POLA1: variants seen among roughly 807,000 people sequenced by gnomAD.
POLA1 encodes DNA polymerase alpha 1, catalytic subunit.
Under a neutral mutation model 124.0 loss-of-function variants are expected in POLA1, and 15 were observed. The observed-to-expected ratio is 0.12, with a 90% CI of 0.08 to 0.19. The LOEUF (loss-of-function observed/expected upper bound fraction) is 0.19. POLA1 is among the 10% of genes least tolerant of loss of function. The pLI is 1.00. For synonymous variants in POLA1, 408 were observed against 389.4 expected, an observed-to-expected ratio of 1.05 and a Z score of -0.56; for missense variants, 886 against 1,103.4, an observed-to-expected ratio of 0.80 and a Z score of 2.79.
chrX:24,946,544 A>T (rs954808733), intron 36 of POLA1, among the ~76,000 whole-genome samples: 28 of 111,196 alleles, frequency 2.5e-4, no homozygotes, highest in African/African-American at 9.2e-4. Context: ...GCAGGCCTTG[A>T]CTCCACTATG....
intron 32 of POLA1, among the ~76,000 whole-genome samples, chrX:24,833,326 A>G (rs763772605): frequency 9.0e-6 from 1 of 111,206 alleles, no homozygotes; most frequent in East Asian, 2.8e-4. Flanking sequence ...CTGGTTCCAT[A>G]TTTTTGCAGT....
At chrX:24,795,176 G>A (rs2045584048) in intron 26 of POLA1, among the ~76,000 whole-genome samples, 1 of 110,894 alleles carries the variant, frequency 9.0e-6, no homozygotes, top group African/African-American at 3.3e-5. Context: ...GGTTCTGAAA[G>A]TATTTTAAAA....
intron 26 of POLA1, among the ~76,000 whole-genome samples, chrX:24,783,752 T>G (rs2045309839): frequency 8.9e-6 from 1 of 112,090 alleles, no homozygotes; most frequent in Non-Finnish European, 1.9e-5. Context: ...ACATTACTTG[T>G]GCAGATATCA....
intron 12 of POLA1, 53 bp downstream of exon 12, chrX:24,724,504 A>G: frequency 1.7e-6 from 1 of 584,664 alleles, no homozygotes; most frequent in Admixed American, 3.2e-5. Context: ...TTATTTTCTG[A>G]TTTAGCAAAT....
intron 34 of POLA1, among the ~76,000 whole-genome samples, chrX:24,862,444 G>T (rs2046729880): frequency 8.9e-6 from 1 of 111,779 alleles, no homozygotes; most frequent in Non-Finnish European, 1.9e-5. Context: ...TGACTTTGCA[G>T]AATAAGGTTG....
intron 26 of POLA1, among the ~76,000 whole-genome samples, chrX:24,760,559 C>A (rs778945298): frequency 8.9e-6 from 1 of 111,982 alleles, no homozygotes; most frequent in Non-Finnish European, 1.9e-5. Context: ...TATGGTCAGA[C>A]CCATTAAAGA....
intron 32 of POLA1, among the ~76,000 whole-genome samples, chrX:24,840,799 G>C (rs979145832): frequency 9.0e-6 from 1 of 111,638 alleles, no homozygotes; most frequent in Admixed American, 9.5e-5. Flanking sequence ...GCATCCCTTA[G>C]CAATCCCTAA....
At chrX:24,884,388 A>G (rs760470380) in intron 34 of POLA1, among the ~76,000 whole-genome samples, 59 of 111,665 alleles carry the variant, frequency 5.3e-4, no homozygotes, top group African/African-American at 1.9e-3. Flanking sequence ...AGCTCAGGCA[A>G]TCCACCTGCC....
intron 36 of POLA1, among the ~76,000 whole-genome samples, chrX:24,968,806 A>C (rs898951735): frequency 1.8e-5 from 2 of 111,767 alleles, no homozygotes; most frequent in African/African-American, 6.5e-5. Context: ...TTGGATTCCA[A>C]GTTCACCAAA....
intron 35 of POLA1, among the ~76,000 whole-genome samples, chrX:24,901,124 A>G (rs756688169): frequency 6.7e-4 from 75 of 111,870 alleles, no homozygotes; most frequent in Non-Finnish European, 1.2e-3. Context: ...GTGTGGGGAG[A>G]CAGATAATAA....
At chrX:24,989,027 G>A (rs927564599) in intron 36 of POLA1, among the ~76,000 whole-genome samples, 1 of 111,856 alleles carries the variant, frequency 8.9e-6, no homozygotes, top group African/African-American at 3.3e-5. Flanking sequence ...TATGCTTCTT[G>A]GATATTGTTG....
chrX:24,825,335 G>A (rs1046650115), intron 31 of POLA1, among the ~76,000 whole-genome samples: 2 of 112,137 alleles, frequency 1.8e-5, no homozygotes, highest in Non-Finnish European at 3.8e-5. Context: ...TTCATCAGGA[G>A]CCTAGCCAGA....
In POLA1 at chrX:24,821,496, A is replaced by G. The variant is rs373509257; in HGVS notation, c.3474A>G (p.Leu1158=). The G allele has an allele frequency of 1.7e-6, 2 of 1,199,441 alleles. No homozygotes were observed. The highest frequency in any genetic ancestry group is 2.3e-6 in the Non-Finnish European group (2 of 885,920). Residue 1158 remains leucine, a synonymous_variant, in exon 31 of 37, where the codon CTA becomes CTG. Transcript: ENST00000379068. ...AGGATTACCCTGATAAAAAAAGCCTACCTCATGTACATGTTGCCCTCTGGA... is the reference window on the plus strand; with the variant it reads ...AGGATTACCCTGATAAAAAAAGCCTGCCTCATGTACATGTTGCCCTCTGGA... The part of the protein sequence containing the change: ...DPQDYPDKKS[L]PHVHVALWIN...
chrX:24,817,677 G>T (rs1461580979), intron 30 of POLA1, among the ~76,000 whole-genome samples: 1 of 108,063 alleles, frequency 9.3e-6, no homozygotes, highest in Non-Finnish European at 1.9e-5. Context: ...TCATTTAATA[G>T]AGAAGAATTT....
At position 24,807,108 on chromosome X, in the gene POLA1, G is replaced by A. The variant is rs193021332; in HGVS notation, c.2965-2790G>A. 2.6e-4 allele frequency among the ~76,000 whole-genome samples: 29 copies of A among 112,238 alleles called. No individual in the cohort carries two copies. In the East Asian group the frequency reaches 8.1e-3, roughly 31 times the overall value. Reference sequence around the variant, plus strand: ...ATGGTTGTGAGTTGGTGGCAGGATGGAGTAGGGGTGGATGATGGATCTGAA... The same window carrying A: ...ATGGTTGTGAGTTGGTGGCAGGATGAAGTAGGGGTGGATGATGGATCTGAA... On this transcript the variant is annotated intron_variant, in intron 26 of 36. Coordinates refer to ENST00000379068, the MANE Select transcript of POLA1 (RefSeq NM_001330360.2).
At chrX:24,875,386 C>T (rs1218339804) in intron 34 of POLA1, among the ~76,000 whole-genome samples, 1 of 111,746 alleles carries the variant, frequency 8.9e-6, no homozygotes, top group Non-Finnish European at 1.9e-5. Context: ...GGTTATATTT[C>T]TTCTTAACAT....
chrX:24,996,916 A>G lies in POLA1; in HGVS notation c.*966A>G, dbSNP rs2048613968. 8.9e-6 allele frequency: 1 copy of G among 111,981 alleles called. No individual in the cohort carries two copies. 9.2% of individuals were successfully genotyped at this position (111,981 alleles called of 1,213,427 possible). Reference sequence around the variant, plus strand: ...TATGCTGTGTTTTTAAAAAACATTGACCTGTGTGTTTTTATAAAAGAAAAA... The same window carrying G: ...TATGCTGTGTTTTTAAAAAACATTGGCCTGTGTGTTTTTATAAAAGAAAAA... On this transcript the variant is annotated 3_prime_UTR_variant, in exon 37 of 37. Transcript: ENST00000379068.
intron 26 of POLA1, among the ~76,000 whole-genome samples, chrX:24,793,916 C>A (rs1361444660): frequency 9.1e-6 from 1 of 110,343 alleles, no homozygotes; most frequent in Non-Finnish European, 1.9e-5. Context: ...GGTGGATGGA[C>A]CCCGCCATCC....
intron 35 of POLA1, among the ~76,000 whole-genome samples, chrX:24,900,755 C>T (rs1175665488): frequency 1.8e-5 from 2 of 111,530 alleles, no homozygotes; most frequent in African/African-American, 3.3e-5. Flanking sequence ...TATTGGCAGT[C>T]CTGAAGGCTT....
Sources: allele counts gnomAD v4.1 joint callset (sites outside exome capture counted in the v4.1 genomes callset), GRCh38; gene constraint gnomAD v4.1.1; transcripts MANE v1.5; gene names NCBI Gene and HGNC (gene_info 2026-07-23, HGNC 2026-07-21).